KANK4: variants seen among roughly 807,000 people sequenced by gnomAD.
The protein encoded by KANK4 is KN motif and ankyrin repeat domains 4, also known as KN motif and ankyrin repeat domain-containing protein 4.
A neutral mutation model predicts 80.8 loss-of-function variants in KANK4; 50 were observed. That is an observed-to-expected ratio of 0.62 (90% CI 0.49 to 0.78). The LOEUF is 0.78. KANK4 is among the 30% of genes least tolerant of loss of function. The pLI, the probability that KANK4 is intolerant of heterozygous loss-of-function variation, is 0.00. For missense variants in KANK4, 1,196 were observed against 1,240.1 expected (o/e 0.96, Z 0.53); for synonymous variants, 465 against 506.9 (o/e 0.92, Z 1.11).
At chr1:62,265,231 G>T (rs184342635) in intron 6 of KANK4, among the ~76,000 whole-genome samples, 16 of 151,118 alleles carry the variant, frequency 1.1e-4, no homozygotes, top group East Asian at 3.9e-4. Context: ...ATCACATATT[G>T]GTTCTTTTTT....
chr1:62,318,983 G>C (rs1418029946), intron 1 of KANK4, 123 bp downstream of exon 1: 1 of 152,538 alleles, frequency 6.6e-6, no homozygotes, highest in Non-Finnish European at 1.5e-5. Context: ...GACTGGGCGA[G>C]GCGGGTGGCA....
At position 62,238,034 on chromosome 1, in the gene KANK4, C is replaced by A; in HGVS notation, c.*243G>T. 2 of 432,184 alleles carry A rather than the reference C, an allele frequency of 4.6e-6. No homozygotes were observed. Among genetic ancestry groups the A allele is most frequent in the Non-Finnish European group, 8.5e-6 (2 of 234,546 alleles). 26.8% of individuals were successfully genotyped at this position (432,184 alleles called of 1,614,324 possible). A position where few individuals can be genotyped will look rare whatever the true frequency, so the allele number is the denominator to read the frequency against. On this transcript the variant is annotated 3_prime_UTR_variant, in exon 10 of 10. Transcript: ENST00000371153. ...TGGATGTTTGGATGACACCGACGTACCCCTCACCTTGCACCTTGAACCCTG... is the reference window on the plus strand; with the variant it reads ...TGGATGTTTGGATGACACCGACGTAACCCTCACCTTGCACCTTGAACCCTG...
At chr1:62,251,205 T>G (rs1185357377) in intron 8 of KANK4, among the ~76,000 whole-genome samples, 2 of 152,172 alleles carry the variant, frequency 1.3e-5, no homozygotes, top group African/African-American at 2.4e-5. Context: ...TGCTTAGCTT[T>G]GTGGCCCTCC....
intron 1 of KANK4, among the ~76,000 whole-genome samples, chr1:62,309,719 T>A (rs1571053718): frequency 6.6e-6 from 1 of 152,296 alleles, no homozygotes; most frequent in South Asian, 2.1e-4. Context: ...GGCAGCGATG[T>A]GACTTAGCCA....
At chr1:62,290,085 C>A (rs1480485805) in intron 1 of KANK4, among the ~76,000 whole-genome samples, 1 of 152,164 alleles carries the variant, frequency 6.6e-6, no homozygotes, top group African/African-American at 2.4e-5. Context: ...TGAGTAAATA[C>A]ATTGGTTATT....
intron 1 of KANK4, among the ~76,000 whole-genome samples, chr1:62,288,492 A>G (rs1672615564): frequency 1.3e-5 from 2 of 152,110 alleles, no homozygotes; most frequent in South Asian, 4.1e-4. Context: ...GTATTCACAC[A>G]CTCAAATAGA....
chr1:62,239,369 A>G (rs938895593), intron 9 of KANK4, among the ~76,000 whole-genome samples: 1 of 152,098 alleles, frequency 6.6e-6, no homozygotes, highest in Non-Finnish European at 1.5e-5. Context: ...GTAATATTCC[A>G]TAATTTACTA....
chr1:62,315,780 A>T (rs1277763275), intron 1 of KANK4, among the ~76,000 whole-genome samples: 2 of 152,222 alleles, frequency 1.3e-5, no homozygotes, highest in East Asian at 3.8e-4. Context: ...GCATATTCTC[A>T]GCACTAAGAA....
chr1:62,295,908 C>T lies in KANK4; in HGVS notation c.-70-14274G>A, dbSNP rs562069241. 4.6e-5 allele frequency among the ~76,000 whole-genome samples: 7 copies of T among 151,912 alleles called. 1 individual carries two copies. Among genetic ancestry groups the T allele is most frequent in the African/African-American group, 1.2e-4 (5 of 41,372 alleles). On this transcript the variant is annotated intron_variant, in intron 1 of 9. Coordinates refer to ENST00000371153, the MANE Select transcript of KANK4 (RefSeq NM_181712.5). ...GCCTCTGGCTGCAGGGAAAGTATAA[C>T]GCATAACAATAAAAATAGTTGCCAA...
chr1:62,253,576 AT>A (rs11297715), intron 7 of KANK4, among the ~76,000 whole-genome samples: 110,295 of 150,866 alleles, frequency 0.73, 40,543 homozygotes, highest in East Asian at 0.83. Flanking sequence ...CACCTGGCTA[AT>A]TTTTTTTTGT....
At chr1:62,293,658 A>T (rs1458062440) in intron 1 of KANK4, among the ~76,000 whole-genome samples, 1 of 152,220 alleles carries the variant, frequency 6.6e-6, no homozygotes, top group East Asian at 1.9e-4. Context: ...TCTATTCTGT[A>T]AAGAAAGGTG....
chr1:62,287,047 C>T (rs929537666), intron 1 of KANK4, among the ~76,000 whole-genome samples: 3 of 152,136 alleles, frequency 2.0e-5, no homozygotes, highest in Admixed American at 6.5e-5. Context: ...CTCCGAGAGG[C>T]GGGGTGCAGG....
chr1:62,256,012 C>T (rs1474507117), intron 7 of KANK4, among the ~76,000 whole-genome samples: 1 of 152,180 alleles, frequency 6.6e-6, no homozygotes, highest in Non-Finnish European at 1.5e-5. Flanking sequence ...CCACTTATGG[C>T]CCAGGACAGC....
chr1:62,257,776 T>C (rs1265378709), intron 7 of KANK4, among the ~76,000 whole-genome samples: 2 of 152,246 alleles, frequency 1.3e-5, no homozygotes, highest in Admixed American at 1.3e-4. Flanking sequence ...TTTACCTTTA[T>C]GCTATTTAGC....
chr1:62,306,001 T>C (rs1644448230), intron 1 of KANK4, among the ~76,000 whole-genome samples: 1 of 152,226 alleles, frequency 6.6e-6, no homozygotes, highest in Non-Finnish European at 1.5e-5. Flanking sequence ...CTCTCTCTTT[T>C]TAACACAAGG....
chr1:62,278,349 C>T (rs370763545), intron 2 of KANK4, among the ~76,000 whole-genome samples: 743 of 12,518 alleles, frequency 0.059, 80 homozygotes, highest in African/African-American at 0.23. Context: ...TCCTTCCTTC[C>T]TTCCTTCCTT....
At position 62,302,795 on chromosome 1, in the gene KANK4, T is replaced by C. The variant is rs78416311; in HGVS notation, c.-71+16311A>G. Among the ~76,000 whole-genome samples, 1,103 of 152,218 alleles carry C rather than the reference T, an allele frequency of 7.2e-3. 6 individuals carry two copies. Among genetic ancestry groups the C allele is most frequent in the African/African-American group, 0.025 (1,043 of 41,548 alleles). On this transcript the variant is annotated intron_variant, in intron 1 of 9. Coordinates refer to ENST00000371153, the MANE Select transcript of KANK4 (RefSeq NM_181712.5). ...AATTTATAAGCCACCCCGTCTATGG[T>C]AGTTTGTAATAGCAACCCAAATGGA...
chr1:62,276,470 G>A (rs1672316811), intron 2 of KANK4, among the ~76,000 whole-genome samples: 1 of 152,040 alleles, frequency 6.6e-6, no homozygotes, highest in South Asian at 2.1e-4. Flanking sequence ...ATAATAACAG[G>A]TAAAATAAGA....
intron 1 of KANK4, among the ~76,000 whole-genome samples, chr1:62,285,368 T>G (rs1262671835): frequency 6.6e-6 from 1 of 152,168 alleles, no homozygotes; most frequent in Non-Finnish European, 1.5e-5. Flanking sequence ...GAACATGGGT[T>G]TCCCCAGGTA....
Sources: gnomAD v4.1 joint callset for allele counts (sites outside exome capture counted in the v4.1 genomes callset) on GRCh38, gnomAD v4.1.1 for gene constraint, MANE v1.5 for transcripts, NCBI Gene and HGNC (gene_info 2026-07-23, HGNC 2026-07-21) for gene names.